ARHGAP8: variants seen among roughly 807,000 people sequenced by gnomAD.
ARHGAP8 encodes the protein rho GTPase-activating protein 8.
Under a neutral mutation model 46.1 loss-of-function variants are expected in ARHGAP8, and 62 were observed. The observed-to-expected ratio is 1.34, with a 90% CI of 1.10 to 1.66. ARHGAP8 has a LOEUF of 1.66. Ranked by LOEUF, ARHGAP8 falls within the 40% of genes most tolerant of loss-of-function variation. ARHGAP8 has a pLI of 0.00. For synonymous variants in ARHGAP8, 375 were observed against 243.1 expected, an observed-to-expected ratio of 1.54 and a Z score of -5.05; for missense variants, 923 against 568.4, an observed-to-expected ratio of 1.62 and a Z score of -6.34.
In ARHGAP8 at chr22:44,859,435, T is replaced by G. The variant is rs571360838; in HGVS notation, c.878-296T>G. Reference sequence around the variant, plus strand: ...CCTTCTGCCATAATTGGAAGCCTCCTGAGGCTTCTCCAGAAGCTGAACAGG... The same window carrying G: ...CCTTCTGCCATAATTGGAAGCCTCCGGAGGCTTCTCCAGAAGCTGAACAGG... On this transcript the variant is annotated intron_variant, in intron 10 of 11. Coordinates refer to ENST00000356099, the MANE Select transcript of ARHGAP8 (RefSeq NM_181335.3). Among the ~76,000 whole-genome samples the G allele has an allele frequency of 2.2e-3, 330 of 152,336 alleles. 2 individuals are homozygous for G. Among genetic ancestry groups the G allele is most frequent in the African/African-American group, 7.6e-3 (317 of 41,568 alleles).
At chr22:44,835,463 CA>C (rs1186634935) in intron 7 of ARHGAP8, among the ~76,000 whole-genome samples, 1 of 151,568 alleles carries the variant, frequency 6.6e-6, no homozygotes, top group African/African-American at 2.4e-5. Flanking sequence ...ACTAAAAGTA[CA>C]AAAAAAATTA....
At chr22:44,760,423 C>T (rs935136356) in intron 1 of ARHGAP8, among the ~76,000 whole-genome samples, 5 of 152,160 alleles carry the variant, frequency 3.3e-5, no homozygotes, top group Non-Finnish European at 7.3e-5. Flanking sequence ...TGACTGTGTG[C>T]AAGCTTCTTT....
chr22:44,808,807 T>TA, intron 4 of ARHGAP8: 6 of 291,406 alleles, frequency 2.1e-5, no homozygotes, highest in Admixed American at 5.0e-5. Context: ...CTAGTAAAAA[T>TA]ACAAAAAAAA....
At chr22:44,859,581 G>T (rs1391590813) in intron 10 of ARHGAP8, 150 bp from the exon 11 acceptor site, 1 of 751,606 alleles carries the variant, frequency 1.3e-6, no homozygotes, top group East Asian at 2.7e-5. Context: ...GAGCCATACG[G>T]CCAGAAGATA....
chr22:44,859,154 C>T (rs901976195), intron 10 of ARHGAP8, among the ~76,000 whole-genome samples: 3 of 152,120 alleles, frequency 2.0e-5, no homozygotes, highest in Non-Finnish European at 4.4e-5. Context: ...GCTGATAAAG[C>T]AGAGGGATGG....
intron 2 of ARHGAP8, among the ~76,000 whole-genome samples, chr22:44,801,348 C>T (rs1336811627): frequency 8.3e-6 from 1 of 120,514 alleles, no homozygotes; most frequent in Non-Finnish European, 1.7e-5. Flanking sequence ...GGGCACCTCT[C>T]CCCGCAGCTG....
intron 3 of ARHGAP8, among the ~76,000 whole-genome samples, chr22:44,802,416 G>C (rs570717841): frequency 6.6e-6 from 1 of 152,210 alleles, no homozygotes; most frequent in Non-Finnish European, 1.5e-5. Context: ...CACCCGAGCT[G>C]TGGGTGCCTC....
Position 44,848,860 on chromosome 22 carries a change from TCA to T in ARHGAP8, c.749-71_749-70del, listed in dbSNP as rs1245696068. On this transcript the variant is annotated intron_variant, in intron 9 of 11. Coordinates refer to ENST00000356099, the MANE Select transcript of ARHGAP8 (RefSeq NM_181335.3). ...ATCCGGACATCTCACGCCCTGTGTC[TCA>T]GAGCTCGTTCTGCAGCGGCAGTGCC... 4.5e-5 allele frequency: 72 copies of T among 1,597,454 alleles called. 1 individual carries two copies. Among genetic ancestry groups the T allele is most frequent in the Non-Finnish European group, 6.0e-6 (7 of 1,171,054 alleles).
chr22:44,818,038 C>T (rs193269970), intron 5 of ARHGAP8, among the ~76,000 whole-genome samples: 1 of 152,114 alleles, frequency 6.6e-6, no homozygotes, highest in South Asian at 2.1e-4. Flanking sequence ...TGCTTGAGTT[C>T]GAGAGGCAGA....
chr22:44,841,371 G>T (rs192031635), intron 7 of ARHGAP8, among the ~76,000 whole-genome samples: 21 of 152,236 alleles, frequency 1.4e-4, no homozygotes, highest in Non-Finnish European at 7.4e-5. Context: ...GCCCACCCTG[G>T]GAGGCAGGTG....
chr22:44,847,414 G>GT, intron 8 of ARHGAP8, among the ~76,000 whole-genome samples: 1 of 152,228 alleles, frequency 6.6e-6, no homozygotes, highest in Non-Finnish European at 1.5e-5. Context: ...ACCAGCCCCT[G>GT]TGGCAGTAGC....
intron 11 of ARHGAP8, among the ~76,000 whole-genome samples, chr22:44,860,481 C>A (rs142772686): frequency 9.9e-5 from 15 of 152,060 alleles, no homozygotes; most frequent in African/African-American, 2.9e-4. Flanking sequence ...TAAGTGTGGA[C>A]CCCCTGCCAT....
chr22:44,857,325 C>G (rs1056395957), intron 10 of ARHGAP8, among the ~76,000 whole-genome samples: 1 of 152,158 alleles, frequency 6.6e-6, no homozygotes, highest in Non-Finnish European at 1.5e-5. Flanking sequence ...GTGTTCCAGC[C>G]AAGGGTACCT....
intron 7 of ARHGAP8, among the ~76,000 whole-genome samples, chr22:44,826,036 C>T (rs1338488142): frequency 6.6e-6 from 1 of 152,074 alleles, no homozygotes; most frequent in African/African-American, 2.4e-5. Context: ...ACTGCTGCCC[C>T]CTGCCCTCCG....
chr22:44,823,589 C>G (rs1042509521), intron 6 of ARHGAP8, among the ~76,000 whole-genome samples: 2 of 152,090 alleles, frequency 1.3e-5, no homozygotes, highest in Non-Finnish European at 2.9e-5. Context: ...TGATGGGAAT[C>G]CCTGGTCGCC....
At chr22:44,827,457 C>G (rs1930620059) in intron 7 of ARHGAP8, among the ~76,000 whole-genome samples, 1 of 149,188 alleles carries the variant, frequency 6.7e-6, no homozygotes, top group South Asian at 2.1e-4. Context: ...ATTCTCCTGC[C>G]TCAGCCTCCC....
At chr22:44,830,956 A>G (rs1930904003) in intron 7 of ARHGAP8, among the ~76,000 whole-genome samples, 1 of 152,006 alleles carries the variant, frequency 6.6e-6, no homozygotes, top group Admixed American at 6.5e-5. Context: ...ATTATCGGCC[A>G]TTTGTTTACC....
chr22:44,859,341 C>G (rs116098758), intron 10 of ARHGAP8, among the ~76,000 whole-genome samples: 7 of 149,634 alleles, frequency 4.7e-5, no homozygotes, highest in Admixed American at 2.0e-4. Flanking sequence ...GGTTTAAAAG[C>G]ATGTGGCACC....
chr22:44,837,004 C>G (rs982510812), intron 7 of ARHGAP8, among the ~76,000 whole-genome samples: 1 of 152,176 alleles, frequency 6.6e-6, no homozygotes, highest in African/African-American at 2.4e-5. Context: ...CCTGCCCCAG[C>G]CTCCTGAGTA....
Sources: allele counts gnomAD v4.1 joint callset (sites outside exome capture counted in the v4.1 genomes callset), GRCh38; gene constraint gnomAD v4.1.1; transcripts MANE v1.5; gene names NCBI Gene and HGNC (gene_info 2026-07-23, HGNC 2026-07-21).